TRIO: variants seen among roughly 807,000 people sequenced by gnomAD.
The protein encoded by TRIO is trio Rho guanine nucleotide exchange factor, also known as triple functional domain protein.
TRIO carries 58 observed loss-of-function variants against 351.9 expected under a neutral mutation model. The observed-to-expected ratio is 0.16, with a 90% CI of 0.13 to 0.21. The LOEUF (loss-of-function observed/expected upper bound fraction) is 0.21. Among genes scored for constraint, TRIO ranks in the 10% least tolerant of loss-of-function variants. The probability of loss-of-function intolerance (pLI) is 1.00; values close to 1 mark genes in which losing one functional copy is unlikely to be tolerated. For missense variants in TRIO, 3,201 were observed against 4,027.8 expected, an observed-to-expected ratio of 0.79 and a Z score of 5.56; for synonymous variants, 1,758 against 1,595.7, an observed-to-expected ratio of 1.10 and a Z score of -2.42.
At chr5:14,274,706 T>G (rs1482328986) in intron 2 of TRIO, among the ~76,000 whole-genome samples, 1 of 152,174 alleles carries the variant, frequency 6.6e-6, no homozygotes, top group Non-Finnish European at 1.5e-5. Flanking sequence ...AAAGGACCAT[T>G]GTTTGTTTGT....
chr5:14,442,040 C>T (rs1554079621), intron 34 of TRIO, among the ~76,000 whole-genome samples: 1 of 152,198 alleles, frequency 6.6e-6, no homozygotes, highest in Admixed American at 6.5e-5. Flanking sequence ...GTTGGGTCTG[C>T]AGATGCCCAT....
chr5:14,454,217 C>T (rs1404611138), intron 34 of TRIO, among the ~76,000 whole-genome samples: 3 of 152,182 alleles, frequency 2.0e-5, no homozygotes, highest in African/African-American at 7.2e-5. Context: ...GCGTGAGCCA[C>T]CGTGCCCTGC....
intron 11 of TRIO, among the ~76,000 whole-genome samples, chr5:14,345,878 A>G (rs532433551): frequency 6.6e-6 from 1 of 152,328 alleles, no homozygotes; most frequent in African/African-American, 2.4e-5. Context: ...AGGGCATTTT[A>G]TGATTCTCTA....
At chr5:14,488,949 G>A (rs201754813) in intron 48 of TRIO, 1 of 764,212 alleles carries the variant, frequency 1.3e-6, no homozygotes, top group Admixed American at 1.7e-5. Flanking sequence ...TCATGCTGCC[G>A]TCTCAAGCAC....
At chr5:14,151,302 A>G (rs1002528958) in intron 1 of TRIO, among the ~76,000 whole-genome samples, 2 of 152,146 alleles carry the variant, frequency 1.3e-5, no homozygotes, top group African/African-American at 4.8e-5. Context: ...AGAAAAACAC[A>G]GTTCAAATTT....
chr5:14,379,710 C>T (rs1191609584), intron 20 of TRIO, among the ~76,000 whole-genome samples: 1 of 152,202 alleles, frequency 6.6e-6, no homozygotes, highest in East Asian at 1.9e-4. Flanking sequence ...TATAGAAAAG[C>T]AAAATTGTAC....
chr5:14,399,261 C>A, intron 30 of TRIO, 191 bp downstream of exon 30: 1 of 605,308 alleles, frequency 1.7e-6, no homozygotes, highest in South Asian at 2.2e-5. Context: ...AGAGGGTGCT[C>A]TGGAGTTTAT....
chr5:14,376,170 G>T lies in TRIO; in HGVS notation c.3331+1827G>T, dbSNP rs16903433. ...CTGTTCTTACTTATCACAAAGTACAGACTGCTAGGAACTCAGTAAGTATTT... is the reference window on the plus strand; with the variant it reads ...CTGTTCTTACTTATCACAAAGTACATACTGCTAGGAACTCAGTAAGTATTT... On this transcript the variant is annotated intron_variant, in intron 19 of 56. Coordinates refer to ENST00000344204, the MANE Select transcript of TRIO (RefSeq NM_007118.4). 8.0e-3 allele frequency among the ~76,000 whole-genome samples: 1,222 copies of T among 152,314 alleles called. 20 individuals are homozygous for T. The highest frequency in any genetic ancestry group is 0.028 in the African/African-American group (1,177 of 41,560).
chr5:14,225,044 T>C (rs913816798), intron 1 of TRIO, among the ~76,000 whole-genome samples: 4 of 152,180 alleles, frequency 2.6e-5, no homozygotes, highest in Non-Finnish European at 4.4e-5. Flanking sequence ...TTCTGTTATT[T>C]TGGGAAGCCT....
chr5:14,363,651 T>C, intron 13 of TRIO, 81 bp from the exon 14 acceptor site: 2 of 1,364,262 alleles, frequency 1.5e-6, no homozygotes, highest in East Asian at 4.6e-5. Context: ...GAGAGACATC[T>C]CTTCCTTCCT....
chr5:14,179,251 G>C (rs1376520815), intron 1 of TRIO, among the ~76,000 whole-genome samples: 1 of 152,098 alleles, frequency 6.6e-6, no homozygotes, highest in East Asian at 1.9e-4. Flanking sequence ...TTAGCAGTTA[G>C]GTACCCTGTG....
At chr5:14,237,206 CT>C (rs1451030716) in intron 1 of TRIO, among the ~76,000 whole-genome samples, 3 of 152,192 alleles carry the variant, frequency 2.0e-5, no homozygotes, top group African/African-American at 7.2e-5. Flanking sequence ...CAAATACTCC[CT>C]GTTGAGTATC....
intron 1 of TRIO, among the ~76,000 whole-genome samples, chr5:14,188,653 A>G (rs1790275651): frequency 6.6e-6 from 1 of 152,196 alleles, no homozygotes. Flanking sequence ...TAACCTTACA[A>G]ATAAAGATTG....
chr5:14,493,452 G>A (rs556926952), intron 49 of TRIO, among the ~76,000 whole-genome samples: 11 of 152,080 alleles, frequency 7.2e-5, no homozygotes, highest in African/African-American at 2.2e-4. Context: ...TATTTGTTAC[G>A]GTGATATGTA....
chr5:14,280,268 T>C lies in TRIO; in HGVS notation c.233-54T>C. The C allele has an allele frequency of 2.0e-6, 3 of 1,529,404 alleles. No homozygotes were observed. The South Asian group carries it at 3.4e-5, about 17-fold the overall frequency. 94.7% of individuals were successfully genotyped at this position (1,529,404 alleles called of 1,614,324 possible). A position where few individuals can be genotyped will look rare whatever the true frequency, so the allele number is the denominator to read the frequency against. On this transcript the variant is annotated intron_variant, in intron 2 of 56. Coordinates refer to ENST00000344204, the MANE Select transcript of TRIO (RefSeq NM_007118.4). ...TTGACAGAGTGAATGGATGATAACA[T>C]AGGATTTCTGTCTTATCTTGTGTCT...
chr5:14,283,371 G>T (rs550074599), intron 3 of TRIO, among the ~76,000 whole-genome samples: 1 of 152,296 alleles, frequency 6.6e-6, no homozygotes, highest in African/African-American at 2.4e-5. Context: ...TATGTGAAGG[G>T]AGAACATGGG....
rs1744647684 is a variant in TRIO, at chr5:14,366,908, A to G, written c.2803A>G (p.Ile935Val). 1 of 1,614,096 alleles carries G rather than the reference A, an allele frequency of 6.2e-7. No homozygotes were observed. Among genetic ancestry groups the G allele is most frequent in the South Asian group, 1.1e-5 (1 of 91,092 alleles). The change falls in exon 16 of 57, where the codon ATC (isoleucine) becomes GTC (valine). Residue 935 changes from isoleucine to valine, a missense_variant. Around this residue, in one of 19 missense-constraint regions of TRIO, gnomAD observed 363 missense variants for 553.5 expected, o/e 0.66. Coordinates refer to ENST00000344204, the MANE Select transcript of TRIO (RefSeq NM_007118.4). ...NGESMLNAGL[I>V]TASSLQEAEQ... ...AGAGTCCATGTTAAATGCCGGACTT[A>G]TCACAGCCAGCTCGTTACAAGAGGC...
At chr5:14,174,914 A>G (rs1013097624) in intron 1 of TRIO, among the ~76,000 whole-genome samples, 1 of 152,244 alleles carries the variant, frequency 6.6e-6, no homozygotes, top group Non-Finnish European at 1.5e-5. Context: ...TTTAATCGAC[A>G]TTAATTATTA....
intron 33 of TRIO, among the ~76,000 whole-genome samples, chr5:14,412,880 G>A (rs148344726): frequency 1.3e-5 from 2 of 152,322 alleles, no homozygotes; most frequent in Non-Finnish European, 2.9e-5. Flanking sequence ...GCAAACCTCT[G>A]GCCTCTGCCT....
Sources: gnomAD v4.1 joint callset for allele counts (sites outside exome capture counted in the v4.1 genomes callset) on GRCh38, gnomAD v4.1.1 for gene constraint, gnomAD v4.1.1 regional missense constraint, MANE v1.5 for transcripts, NCBI Gene and HGNC (gene_info 2026-07-23, HGNC 2026-07-21) for gene names.